HMOX2: variants seen among roughly 807,000 people sequenced by gnomAD.
HMOX2 encodes the protein heme oxygenase (decycling) 2.
In HMOX2, 30 loss-of-function variants were observed where a neutral mutation model predicts 33.7. The observed-to-expected ratio is 0.89, with a 90% CI of 0.67 to 1.21. The LOEUF is 1.21. HMOX2 is among the 50% of genes most tolerant of loss of function. The pLI is 0.00. For missense variants in HMOX2, 403 were observed against 399.1 expected, an observed-to-expected ratio of 1.01 and a Z score of -0.08; for synonymous variants, 155 against 155.0, an observed-to-expected ratio of 1.00 and a Z score of 0.00.
At chr16:4,476,982 G>C (rs1266563279) in intron 1 of HMOX2, among the ~76,000 whole-genome samples, 2 of 152,134 alleles carry the variant, frequency 1.3e-5, no homozygotes, top group Non-Finnish European at 2.9e-5. Context: ...ATCTCTATAG[G>C]AAGTGCCCCT....
At position 4,507,799 on chromosome 16, in the gene HMOX2, G is replaced by C. The variant is rs767486040; in HGVS notation, c.291G>C (p.Leu97Phe). 11 of 1,614,168 alleles carry C rather than the reference G, an allele frequency of 6.8e-6. No homozygotes were observed. In the South Asian group the frequency reaches 1.2e-4, roughly 18 times the overall value. ...AGGACCATCCAGCCTTTGCCCCTTT[G>C]TACTTCCCCATGGAGCTGCACCGGA... is the stretch of plus-strand genomic sequence containing the variant. Reference protein sequence around the residue: ...RNKDHPAFAPLYFPMELHRKE... With the variant: ...RNKDHPAFAPFYFPMELHRKE... Residue 97 changes from leucine to phenylalanine, a missense_variant, in exon 4 of 6, where the codon TTG (leucine) becomes TTC (phenylalanine). Transcript: ENST00000570646.
rs565977647 is a variant in HMOX2 at position 4,484,105 on chromosome 16, G to A, written c.-42+7618G>A. On this transcript the variant is annotated intron_variant, in intron 1 of 5. Transcript: ENST00000570646. ...TTCTCCTGCCTCAGCCTCCCGAGTA[G>A]CTGGGACTACAGGCTCCCGCCACCA... Among the ~76,000 whole-genome samples, 5 of 151,254 alleles carry A rather than the reference G, an allele frequency of 3.3e-5. No individual in the cohort carries two copies. In the South Asian group the frequency reaches 8.3e-4, roughly 25 times the overall value.
At chr16:4,495,138 C>T (rs531799097) in intron 1 of HMOX2, among the ~76,000 whole-genome samples, 5 of 152,280 alleles carry the variant, frequency 3.3e-5, no homozygotes, top group South Asian at 2.1e-4. Flanking sequence ...TCCTATGGGA[C>T]GTTGTCATTC....
In HMOX2 at chr16:4,505,478, C is replaced by T; in HGVS notation, c.-41-6C>T. The T allele has an allele frequency of 1.4e-6, 2 of 1,446,928 alleles. No individual in the cohort carries two copies. Among genetic ancestry groups the T allele is most frequent in the Non-Finnish European group, 9.5e-7 (1 of 1,048,466 alleles). 89.6% of individuals were successfully genotyped at this position (1,446,928 alleles called of 1,614,324 possible). A position where few individuals can be genotyped will look rare whatever the true frequency, so the allele number is the denominator to read the frequency against. ...GCCACATCACCAGCTCCTTGTGTCTCTGCAGGACCAGAGGAGCGAGAGCAG... is the reference window on the plus strand; with the variant it reads ...GCCACATCACCAGCTCCTTGTGTCTTTGCAGGACCAGAGGAGCGAGAGCAG... On this transcript the variant is annotated splice_region_variant and splice_polypyrimidine_tract_variant and intron_variant, in intron 1 of 5. Coordinates refer to ENST00000570646, the MANE Select transcript of HMOX2 (RefSeq NM_002134.4).
At chr16:4,486,068 C>A (rs1263043138) in intron 1 of HMOX2, among the ~76,000 whole-genome samples, 1 of 152,194 alleles carries the variant, frequency 6.6e-6, no homozygotes, top group Non-Finnish European at 1.5e-5. Context: ...GAGAGAGAAT[C>A]TGAAGCCTTG....
intron 1 of HMOX2, 63 bp from the exon 2 acceptor site, chr16:4,505,421 G>A (rs964612606): frequency 1.8e-5 from 13 of 738,162 alleles, no homozygotes; most frequent in African/African-American, 3.5e-5. Context: ...AAGCAGAACC[G>A]ACAGGTATTT....
chr16:4,490,796 G>C (rs1428769375), intron 1 of HMOX2, among the ~76,000 whole-genome samples: 2 of 152,182 alleles, frequency 1.3e-5, no homozygotes, highest in East Asian at 1.9e-4. Flanking sequence ...TTGATGAAGG[G>C]ATGAGAGGGG....
At chr16:4,485,713 GTTTTTGTTTTTA>G (rs2058150817) in intron 1 of HMOX2, among the ~76,000 whole-genome samples, 1 of 151,890 alleles carries the variant, frequency 6.6e-6, no homozygotes, top group Non-Finnish European at 1.5e-5. Flanking sequence ...TTTTGTTTTT[GTTTTTGTTTTTA>G]TTTTTGTTTT....
intron 1 of HMOX2, chr16:4,496,028 G>A (rs1353698841): frequency 6.6e-6 from 1 of 152,224 alleles, no homozygotes; most frequent in African/African-American, 2.4e-5. Context: ...GTGAGCCAAG[G>A]TGAGTGTTTT....
rs1357184053 is a variant in HMOX2 at position 4,509,901 on chromosome 16, G to A, written c.*145G>A. Reference sequence around the variant, plus strand: ...GGCAACCAATAAAAGCCAGATGCTAGAGCCTCTGCCTGACAGCATCCTCTC... The same window carrying A: ...GGCAACCAATAAAAGCCAGATGCTAAAGCCTCTGCCTGACAGCATCCTCTC... On this transcript the variant is annotated 3_prime_UTR_variant, in exon 6 of 6. Coordinates refer to ENST00000570646, the MANE Select transcript of HMOX2 (RefSeq NM_002134.4). 3 of 867,602 alleles carry A rather than the reference G, an allele frequency of 3.5e-6. No homozygotes were observed. The African/African-American group carries it at 5.1e-5, about 15-fold the overall frequency. The allele number at this position is 867,602 out of a possible 1,614,324, so 53.7% of individuals were successfully genotyped here.
intron 1 of HMOX2, among the ~76,000 whole-genome samples, chr16:4,491,049 A>G (rs907562156): frequency 2.0e-5 from 3 of 152,236 alleles, no homozygotes; most frequent in African/African-American, 7.2e-5. Flanking sequence ...TATGTCTGCA[A>G]ACATTTCCAC....
intron 1 of HMOX2, among the ~76,000 whole-genome samples, chr16:4,490,318 C>G (rs1276406624): frequency 1.3e-5 from 2 of 152,162 alleles, no homozygotes; most frequent in Non-Finnish European, 2.9e-5. Flanking sequence ...GCCTTTCCTG[C>G]TTTGCCTCCT....
At chr16:4,500,358 A>G (rs1343299013) in intron 1 of HMOX2, among the ~76,000 whole-genome samples, 1 of 152,146 alleles carries the variant, frequency 6.6e-6, no homozygotes, top group Non-Finnish European at 1.5e-5. Context: ...GCAGCCACTT[A>G]GCCTCCCTGT....
rs1294537894 is a variant in HMOX2 at position 4,495,666 on chromosome 16, C to T, written c.-41-9818C>T. On this transcript the variant is annotated intron_variant, in intron 1 of 5. Transcript: ENST00000570646. ...GTTAACATACTTTCTATCCATTGCACTACCATTTCTGAGGCACAATATATT... is the reference window on the plus strand; with the variant it reads ...GTTAACATACTTTCTATCCATTGCATTACCATTTCTGAGGCACAATATATT... The T allele has an allele frequency of 3.9e-5, 6 of 152,232 alleles. No homozygotes were observed. The East Asian group carries it at 9.6e-4, about 24-fold the overall frequency. The allele number at this position is 152,232 out of a possible 1,614,324, so 9.4% of individuals were successfully genotyped here. A position where few individuals can be genotyped will look rare whatever the true frequency, so the allele number is the denominator to read the frequency against.
At chr16:4,505,907 C>T (rs1013887814) in intron 2 of HMOX2, among the ~76,000 whole-genome samples, 7 of 152,132 alleles carry the variant, frequency 4.6e-5, no homozygotes, top group Admixed American at 1.3e-4. Context: ...CTCATCTGGG[C>T]TGAGAAAGGG....
At chr16:4,505,277 C>G (rs1174235966) in intron 1 of HMOX2, among the ~76,000 whole-genome samples, 1 of 152,214 alleles carries the variant, frequency 6.6e-6, no homozygotes, top group East Asian at 1.9e-4. Context: ...CAATACAATG[C>G]TATTACCTAA....
rs762447171 is a variant in HMOX2, at chr16:4,507,768, G to A, written c.260G>A (p.Arg87His). ...TCAGCCCTCGAGGAGGAAATGGAGCGCAACAAGGACCATCCAGCCTTTGCC... is the reference window on the plus strand; with the variant it reads ...TCAGCCCTCGAGGAGGAAATGGAGCACAACAAGGACCATCCAGCCTTTGCC... ...TYSALEEEME[R>H]NKDHPAFAPL... is the part of the protein sequence containing the mutation. Residue 87 changes from arginine (R) to histidine (H), a missense_variant, in exon 4 of 6, where the codon CGC (arginine) becomes CAC (histidine). Physicochemically the swap from Arg to His is conservative, Grantham distance 29. Transcript: ENST00000570646. The A allele has an allele frequency of 4.3e-5, 70 of 1,614,026 alleles. No individual in the cohort carries two copies. The highest frequency in any genetic ancestry group is 2.5e-4 in the African/African-American group (19 of 74,900).
At chr16:4,480,031 G>T (rs946903597) in intron 1 of HMOX2, among the ~76,000 whole-genome samples, 4 of 146,300 alleles carry the variant, frequency 2.7e-5, no homozygotes, top group African/African-American at 1.0e-4. Flanking sequence ...GAGTCGCTGC[G>T]CCCGGCTTTT....
At chr16:4,483,973 A>AT (rs34376283) in intron 1 of HMOX2, among the ~76,000 whole-genome samples, 72,637 of 124,658 alleles carry the variant, frequency 0.58, 22,515 homozygotes, top group Non-Finnish European at 0.69. Context: ...ATGCCCAAAA[A>AT]TTTTTTTTTT....
Sources: allele counts gnomAD v4.1 joint callset (sites outside exome capture counted in the v4.1 genomes callset), GRCh38; gene constraint gnomAD v4.1.1; transcripts MANE v1.5; gene names NCBI Gene and HGNC (gene_info 2026-07-23, HGNC 2026-07-21).